Variants in FRYL observed in about 807,000 individuals in gnomAD.
The protein encoded by FRYL is protein furry homolog-like.
In FRYL, 150 loss-of-function variants were observed where a neutral mutation model predicts 351.2. The ratio of observed to expected loss-of-function variants is 0.43; its 90% confidence interval spans 0.37 to 0.49. The LOEUF is 0.49. Ranked by LOEUF, FRYL falls within the 20% of genes least tolerant of loss-of-function variation. FRYL has a pLI of 0.00. For synonymous variants in FRYL, 1,153 were observed against 1,257.1 expected, an observed-to-expected ratio of 0.92 and a Z score of 1.75; for missense variants, 3,036 against 3,619.3, an observed-to-expected ratio of 0.84 and a Z score of 4.13.
In FRYL at chr4:48,576,022, A is replaced by G. The variant is rs1739521452; in HGVS notation, c.2721+8T>C. ...TCATATATCCAACAGTGGATCTGAG[A>G]AACTTACTTTAGAATCAATGCTATA... On this transcript the variant is annotated splice_region_variant and intron_variant, in intron 24 of 63. Transcript: ENST00000358350. 1 of 1,565,364 alleles carries G rather than the reference A, an allele frequency of 6.4e-7. No individual in the cohort carries two copies. Among genetic ancestry groups the G allele is most frequent in the Non-Finnish European group, 8.6e-7 (1 of 1,158,604 alleles).
intron 1 of FRYL, among the ~76,000 whole-genome samples, chr4:48,758,008 G>C (rs1338162152): frequency 6.6e-6 from 1 of 152,168 alleles, no homozygotes; most frequent in African/African-American, 2.4e-5. Context: ...TTTAATAAAT[G>C]GTGCTGGGAA....
At chr4:48,576,904 ATC>A (rs770768316) in intron 23 of FRYL, among the ~76,000 whole-genome samples, 2 of 152,168 alleles carry the variant, frequency 1.3e-5, no homozygotes, top group African/African-American at 4.8e-5. Context: ...GCATGAATAC[ATC>A]TCTTTTAATT....
chr4:48,611,953 C>G (rs959484966), intron 7 of FRYL, among the ~76,000 whole-genome samples: 1 of 152,066 alleles, frequency 6.6e-6, no homozygotes, highest in African/African-American at 2.4e-5. Flanking sequence ...TGCAAAGCAG[C>G]ATACAATCTA....
At chr4:48,501,328 C>CT (rs1719603756) in intron 62 of FRYL, among the ~76,000 whole-genome samples, 1 of 152,108 alleles carries the variant, frequency 6.6e-6, no homozygotes, top group Admixed American at 6.5e-5. Flanking sequence ...GTAACTAGGA[C>CT]TATAGGTATG....
intron 17 of FRYL, 79 bp downstream of exon 17, chr4:48,590,580 C>CA: frequency 9.4e-7 from 1 of 1,065,782 alleles, no homozygotes; most frequent in Non-Finnish European, 1.3e-6. Context: ...AATTTATATA[C>CA]ATTTTATATT....
chr4:48,507,699 T>A (rs1053518439), intron 59 of FRYL, among the ~76,000 whole-genome samples: 1 of 29,876 alleles, frequency 3.3e-5, no homozygotes, highest in Admixed American at 3.7e-4. Flanking sequence ...GAAAACAGTT[T>A]TCAAAGATAG....
chr4:48,518,164 C>T (rs767073548), intron 55 of FRYL, among the ~76,000 whole-genome samples: 7 of 152,132 alleles, frequency 4.6e-5, no homozygotes, highest in Non-Finnish European at 7.4e-5. Context: ...ACTGGTGTTA[C>T]GGTGTATGGT....
rs957513644 is a variant in FRYL, at chr4:48,617,334, G to GA, written c.411+1939dup. On this transcript the variant is annotated intron_variant, in intron 7 of 63. Transcript: ENST00000358350. Reference sequence around the variant, plus strand: ...GAATGTGAACAATGAGTCCACCAAAGAAAAAAAAAAAGATTTTTTTTTTTT... The same window carrying GA: ...GAATGTGAACAATGAGTCCACCAAAGAAAAAAAAAAAAGATTTTTTTTTTTT... 6.1e-4 allele frequency among the ~76,000 whole-genome samples: 78 copies of GA among 127,650 alleles called. No individual in the cohort carries two copies. The East Asian group carries it at 9.5e-3, about 16-fold the overall frequency. The allele number at this position is 127,650 out of a possible 152,430, so 83.7% of individuals were successfully genotyped here.
In FRYL at chr4:48,498,800, T is replaced by TATCA. The variant is rs547636049; in HGVS notation, c.*618_*621dup. On this transcript the variant is annotated 3_prime_UTR_variant, in exon 64 of 64. Coordinates refer to ENST00000358350, the MANE Select transcript of FRYL (RefSeq NM_015030.2). ...AACATCCATACCTTGAAAATATGACTATCACATATCCATACATCCCAACTC... is the reference window on the plus strand; with the variant it reads ...AACATCCATACCTTGAAAATATGACTATCAATCACATATCCATACATCCCAACTC... 961 of 152,812 alleles carry TATCA rather than the reference T, an allele frequency of 6.3e-3. 3 individuals carry two copies. Among genetic ancestry groups the TATCA allele is most frequent in the South Asian group, 0.015 (70 of 4,826 alleles). 9.5% of individuals were successfully genotyped at this position (152,812 alleles called of 1,614,324 possible).
At chr4:48,743,137 G>T (rs1422000833) in intron 1 of FRYL, among the ~76,000 whole-genome samples, 6 of 151,774 alleles carry the variant, frequency 4.0e-5, no homozygotes, top group African/African-American at 1.5e-4. Context: ...ATGTTTAAAG[G>T]TAGAAAAGTA....
At position 48,591,157 on chromosome 4, in the gene FRYL, T is replaced by C. The variant is rs1007883565; in HGVS notation, c.1336-327A>G. On this transcript the variant is annotated intron_variant, in intron 16 of 63. Coordinates refer to ENST00000358350, the MANE Select transcript of FRYL (RefSeq NM_015030.2). ...TCTAGGCAAATGACTTGTCTTCTACTTCACAGAAGAAAAAAAATCACCAAC... is the reference window on the plus strand; with the variant it reads ...TCTAGGCAAATGACTTGTCTTCTACCTCACAGAAGAAAAAAAATCACCAAC... Among the ~76,000 whole-genome samples, 4 of 152,196 alleles carry C rather than the reference T, an allele frequency of 2.6e-5. 1 individual carries two copies. The highest frequency in any genetic ancestry group is 1.3e-4 in the Admixed American group (2 of 15,282).
intron 33 of FRYL, among the ~76,000 whole-genome samples, chr4:48,558,441 G>T (rs1734624364): frequency 6.6e-6 from 1 of 152,196 alleles, no homozygotes; most frequent in African/African-American, 2.4e-5. Context: ...GGGGCAGAGG[G>T]AAAAGCAGGA....
chr4:48,717,420 A>T (rs1448708371), intron 1 of FRYL, among the ~76,000 whole-genome samples: 6 of 151,758 alleles, frequency 4.0e-5, no homozygotes, highest in African/African-American at 1.4e-4. Flanking sequence ...GGGCCAGGAG[A>T]CAAAAGATAG....
intron 57 of FRYL, among the ~76,000 whole-genome samples, chr4:48,511,610 T>C (rs1722490155): frequency 6.6e-6 from 1 of 152,138 alleles, no homozygotes; most frequent in South Asian, 2.1e-4. Flanking sequence ...ATAAAAAGCA[T>C]AAATCCGCAC....
chr4:48,499,805 A>G, intron 63 of FRYL, 125 bp from the exon 64 acceptor site: 1 of 960,038 alleles, frequency 1.0e-6, no homozygotes, highest in South Asian at 1.7e-5. Flanking sequence ...TTAATATTTG[A>G]GCAAATATTA....
At chr4:48,631,501 AG>A (rs1419940186) in intron 4 of FRYL, among the ~76,000 whole-genome samples, 1 of 152,044 alleles carries the variant, frequency 6.6e-6, no homozygotes, top group African/African-American at 2.4e-5. Context: ...ATACTTCTTA[AG>A]GCTACATTCA....
intron 53 of FRYL, among the ~76,000 whole-genome samples, chr4:48,525,415 C>A (rs997047725): frequency 2.6e-5 from 4 of 152,094 alleles, no homozygotes; most frequent in Admixed American, 6.6e-5. Context: ...CTTGGAGGCA[C>A]CATGGTCACA....
intron 62 of FRYL, among the ~76,000 whole-genome samples, chr4:48,500,696 G>T (rs761912059): frequency 1.7e-4 from 26 of 152,258 alleles, no homozygotes; most frequent in Non-Finnish European, 2.9e-4. Flanking sequence ...ACAAGGGGGG[G>T]AAAAGACTAA....
At chr4:48,737,012 G>T (rs540009551) in intron 1 of FRYL, among the ~76,000 whole-genome samples, 1 of 151,894 alleles carries the variant, frequency 6.6e-6, no homozygotes, top group African/African-American at 2.4e-5. Context: ...GGGCGTGGTG[G>T]CTCACACCTT....
Sources: allele counts gnomAD v4.1 joint callset (sites outside exome capture counted in the v4.1 genomes callset), GRCh38; gene constraint gnomAD v4.1.1; transcripts MANE v1.5; gene names NCBI Gene and HGNC (gene_info 2026-07-23, HGNC 2026-07-21).